Variants in DYNC1I1 observed in about 807,000 individuals in gnomAD.
The protein encoded by DYNC1I1 is cytoplasmic dynein 1 intermediate chain 1.
Under a neutral mutation model 86.6 loss-of-function variants are expected in DYNC1I1, and 43 were observed. The ratio of observed to expected loss-of-function variants is 0.50; its 90% CI spans 0.39 to 0.64. The LOEUF is 0.64. Among genes scored for constraint, DYNC1I1 ranks in the 30% least tolerant of loss-of-function variants. DYNC1I1 has a pLI of 0.00. For missense variants in DYNC1I1, 604 were observed against 788.8 expected, an observed-to-expected ratio of 0.77 and a Z score of 2.81; for synonymous variants, 262 against 283.7, an observed-to-expected ratio of 0.92 and a Z score of 0.77.
At chr7:95,805,143 C>T (rs1462320281) in intron 2 of DYNC1I1, among the ~76,000 whole-genome samples, 5 of 152,024 alleles carry the variant, frequency 3.3e-5, no homozygotes, top group Non-Finnish European at 7.4e-5. Context: ...ACTTCTTAAC[C>T]TTTCTGTGCC....
intron 16 of DYNC1I1, among the ~76,000 whole-genome samples, chr7:96,088,790 A>G (rs928712997): frequency 8.5e-5 from 13 of 152,178 alleles, no homozygotes; most frequent in Non-Finnish European, 1.8e-4. Context: ...CGTAGGTCGG[A>G]CTTGAAAAGC....
At chr7:95,832,233 C>T in intron 5 of DYNC1I1, among the ~76,000 whole-genome samples, 1 of 128,690 alleles carries the variant, frequency 7.8e-6, no homozygotes. Context: ...GTTTTTTGTT[C>T]TTGTGATAGT....
chr7:96,110,069 T>A (rs1413854467), exon 17 of DYNC1I1: 1 of 442,230 alleles, frequency 2.3e-6, no homozygotes, highest in South Asian at 1.6e-5. Context: ...ATTACAGACA[T>A]GAGCCACTGT....
intron 6 of DYNC1I1, among the ~76,000 whole-genome samples, chr7:95,903,103 T>A (rs891302980): frequency 6.6e-6 from 1 of 152,216 alleles, no homozygotes; most frequent in African/African-American, 2.4e-5. Context: ...CAGTACTCCA[T>A]GGCCAAATCT....
chr7:95,948,381 TG>T (rs1243789036), intron 6 of DYNC1I1, among the ~76,000 whole-genome samples: 3 of 152,166 alleles, frequency 2.0e-5, no homozygotes, highest in African/African-American at 7.2e-5. Context: ...AGACAGGGGT[TG>T]TCCACATTTG....
At chr7:95,947,778 G>A (rs978967137) in intron 6 of DYNC1I1, among the ~76,000 whole-genome samples, 5 of 152,254 alleles carry the variant, frequency 3.3e-5, no homozygotes, top group African/African-American at 1.2e-4. Flanking sequence ...ATCAGAGTGG[G>A]TGTTTGCCCT....
At chr7:96,029,854 T>G (rs1246756072) in intron 11 of DYNC1I1, among the ~76,000 whole-genome samples, 1 of 150,454 alleles carries the variant, frequency 6.6e-6, no homozygotes, top group East Asian at 2.0e-4. Context: ...GAGGTAGGAG[T>G]GTGCCAAGAT....
chr7:95,854,400 G>T (rs1165406771), intron 5 of DYNC1I1, among the ~76,000 whole-genome samples: 1 of 151,980 alleles, frequency 6.6e-6, no homozygotes, highest in Admixed American at 6.6e-5. Flanking sequence ...ACTGAATTTT[G>T]ATTGCAAGAA....
chr7:95,790,362 A>G (rs1462557277), intron 1 of DYNC1I1, among the ~76,000 whole-genome samples: 2 of 151,974 alleles, frequency 1.3e-5, no homozygotes, highest in Admixed American at 6.6e-5. Flanking sequence ...ATATCTCATT[A>G]CTTGTCCCAC....
Position 96,050,021 on chromosome 7 carries a change from C to CAA in DYNC1I1, c.1509+10607_1509+10608dup, listed in dbSNP as rs1325932449. Among the ~76,000 whole-genome samples, 176 of 132,298 alleles carry CAA rather than the reference C, an allele frequency of 1.3e-3. 4 individuals are homozygous for CAA. Among genetic ancestry groups the CAA allele is most frequent in the African/African-American group, 5.2e-3 (169 of 32,616 alleles). The allele number at this position is 132,298 out of a possible 152,430, so 86.8% of individuals were successfully genotyped here. ...TGGATGACAGAGAGAGACTCCATCT[C>CAA]AAAAAAAACAAACAAACAAAAAAAA... On this transcript the variant is annotated intron_variant, in intron 14 of 16. Coordinates refer to ENST00000447467, the MANE Select transcript of DYNC1I1 (RefSeq NM_001135556.2).
chr7:96,047,709 G>A (rs976822718), intron 14 of DYNC1I1, among the ~76,000 whole-genome samples: 1 of 152,136 alleles, frequency 6.6e-6, no homozygotes, highest in African/African-American at 2.4e-5. Context: ...GGAAAGCCAG[G>A]CCAAGGAAGG....
intron 5 of DYNC1I1, among the ~76,000 whole-genome samples, chr7:95,848,213 T>G (rs1289327881): frequency 2.0e-5 from 3 of 151,842 alleles, no homozygotes; most frequent in Non-Finnish European, 4.4e-5. Flanking sequence ...CAGTTGTTTT[T>G]TTTTTTTTTT....
intron 6 of DYNC1I1, among the ~76,000 whole-genome samples, chr7:95,884,832 T>G (rs1790551135): frequency 6.6e-6 from 1 of 151,820 alleles, no homozygotes; most frequent in African/African-American, 2.4e-5. Context: ...CAACAGCTTA[T>G]AGGCTACATA....
downstream of DYNC1I1, among the ~76,000 whole-genome samples, chr7:96,103,191 G>GT (rs1791162559): frequency 6.6e-6 from 1 of 152,126 alleles, no homozygotes. Context: ...TTAGAGTTTG[G>GT]TTTACATATG....
At chr7:96,097,413 A>G in intron 16 of DYNC1I1, 70 bp from the exon 17 acceptor site, 1 of 1,568,206 alleles carries the variant, frequency 6.4e-7, no homozygotes, top group Non-Finnish European at 8.7e-7. Context: ...AGGGACAGTC[A>G]TTCAGGCTTC....
At chr7:95,867,048 A>G (rs1214528755) in intron 5 of DYNC1I1, among the ~76,000 whole-genome samples, 1 of 152,220 alleles carries the variant, frequency 6.6e-6, no homozygotes, top group Non-Finnish European at 1.5e-5. Context: ...GTTTCAAAGG[A>G]AAAGAAGTTA....
chr7:96,035,800 G>A (rs749732510), intron 13 of DYNC1I1, 48 bp downstream of exon 13: 2 of 1,596,482 alleles, frequency 1.3e-6, no homozygotes, highest in Non-Finnish European at 1.7e-6. Flanking sequence ...ATTTCCGAAA[G>A]TCTGTTATCA....
chr7:96,079,690 CCCTGGAGACAGTG>C (rs1790452860), intron 15 of DYNC1I1, among the ~76,000 whole-genome samples: 1 of 152,102 alleles, frequency 6.6e-6, no homozygotes, highest in Non-Finnish European at 1.5e-5. Context: ...CACGATGTCA[CCCTGGAGACAGTG>C]CCAAAGTTGT....
chr7:96,070,703 C>T (rs1790135179), intron 14 of DYNC1I1, among the ~76,000 whole-genome samples: 1 of 152,166 alleles, frequency 6.6e-6, no homozygotes, highest in Non-Finnish European at 1.5e-5. Flanking sequence ...CCTCGAGAAC[C>T]ACAACATTTT....
Sources: allele counts gnomAD v4.1 joint callset (sites outside exome capture counted in the v4.1 genomes callset), GRCh38; gene constraint gnomAD v4.1.1; transcripts MANE v1.5; gene names NCBI Gene and HGNC (gene_info 2026-07-23, HGNC 2026-07-21).